LRP1B: variants seen among roughly 807,000 people sequenced by gnomAD.
LRP1B encodes low-density lipoprotein receptor-related protein 1B.
In LRP1B, 217 loss-of-function variants were observed where a neutral mutation model predicts 556.6. That is an observed-to-expected ratio of 0.39 (90% confidence interval 0.35 to 0.44). The LOEUF (loss-of-function observed/expected upper bound fraction) is 0.44. Ranked by LOEUF, LRP1B falls within the 20% of genes least tolerant of loss-of-function variation. LRP1B has a pLI of 1.00. For missense variants in LRP1B, 5,053 were observed against 5,620.8 expected (o/e 0.90, Z 3.23); for synonymous variants, 2,047 against 1,865.8 (o/e 1.10, Z -2.50).
intron 43 of LRP1B, among the ~76,000 whole-genome samples, chr2:140,577,803 C>T (rs1681592489): frequency 6.6e-6 from 1 of 152,050 alleles, no homozygotes. Flanking sequence ...TGATCAAAAT[C>T]AGTTTTTTGC....
intron 1 of LRP1B, among the ~76,000 whole-genome samples, chr2:142,039,114 C>T (rs915139875): frequency 7.9e-5 from 12 of 151,514 alleles, no homozygotes; most frequent in African/African-American, 2.7e-4. Context: ...CCTTTCTTGG[C>T]ACTATCCCCA....
intron 49 of LRP1B, among the ~76,000 whole-genome samples, chr2:140,525,524 T>A (rs530672233): frequency 6.6e-6 from 1 of 152,088 alleles, no homozygotes; most frequent in African/African-American, 2.4e-5. Context: ...ATGAAGTTAT[T>A]TCTAGGTATG....
At chr2:141,390,364 T>C (rs1180778201) in intron 3 of LRP1B, among the ~76,000 whole-genome samples, 1 of 152,184 alleles carries the variant, frequency 6.6e-6, no homozygotes, top group Non-Finnish European at 1.5e-5. Flanking sequence ...CTAAAATGTT[T>C]CACCTGGAGT....
chr2:142,113,209 C>T (rs1707064849), intron 1 of LRP1B, among the ~76,000 whole-genome samples: 1 of 151,994 alleles, frequency 6.6e-6, no homozygotes, highest in Admixed American at 6.6e-5. Context: ...TCCCAGTGTA[C>T]AGCTTTTCTC....
At chr2:140,664,440 C>A in intron 41 of LRP1B, among the ~76,000 whole-genome samples, 1 of 151,728 alleles carries the variant, frequency 6.6e-6, no homozygotes, top group African/African-American at 2.4e-5. Flanking sequence ...ACTATTCTTT[C>A]CAAATACACC....
intron 86 of LRP1B, among the ~76,000 whole-genome samples, chr2:140,257,934 C>T (rs1219183454): frequency 6.6e-6 from 1 of 152,246 alleles, no homozygotes; most frequent in Middle Eastern, 3.4e-3. Flanking sequence ...TGCTGCTCAG[C>T]CTGACAGCAG....
At chr2:141,247,438 C>G (rs1400211487) in intron 4 of LRP1B, 84 bp from the exon 5 acceptor site, 2 of 1,520,550 alleles carry the variant, frequency 1.3e-6, no homozygotes, top group African/African-American at 1.4e-5. Context: ...TATTTTTGAA[C>G]TTCGGAAATA....
intron 1 of LRP1B, among the ~76,000 whole-genome samples, chr2:141,986,899 G>C (rs1022535013): frequency 4.6e-5 from 7 of 151,918 alleles, no homozygotes; most frequent in African/African-American, 1.4e-4. Flanking sequence ...ATAAAATAAA[G>C]TTGCCGTTAC....
chr2:141,672,854 G>A (rs1690725591), intron 2 of LRP1B, among the ~76,000 whole-genome samples: 1 of 152,174 alleles, frequency 6.6e-6, no homozygotes, highest in Non-Finnish European at 1.5e-5. Flanking sequence ...AGACATGACA[G>A]TGGAATAATT....
At chr2:141,859,258 G>A in intron 1 of LRP1B, among the ~76,000 whole-genome samples, 1 of 152,166 alleles carries the variant, frequency 6.6e-6, no homozygotes, top group African/African-American at 2.4e-5. Context: ...TCTGTAAAAT[G>A]CTACACACTA....
chr2:141,472,893 T>C (rs1037186979), intron 3 of LRP1B, among the ~76,000 whole-genome samples: 1 of 152,180 alleles, frequency 6.6e-6, no homozygotes, highest in African/African-American at 2.4e-5. Flanking sequence ...ATGTTTTTAA[T>C]ATAATATTAA....
intron 3 of LRP1B, among the ~76,000 whole-genome samples, chr2:141,427,223 T>C (rs1680401727): frequency 6.6e-6 from 1 of 152,234 alleles, no homozygotes; most frequent in Admixed American, 6.5e-5. Flanking sequence ...ACTTTGGGAA[T>C]GTGAATATCA....
intron 28 of LRP1B, among the ~76,000 whole-genome samples, chr2:140,850,711 CT>C (rs1173138292): frequency 6.6e-6 from 1 of 152,090 alleles, no homozygotes; most frequent in South Asian, 2.1e-4. Context: ...AATCTAACAA[CT>C]TTTTTCTATA....
At chr2:141,885,872 G>C (rs1210685623) in intron 1 of LRP1B, among the ~76,000 whole-genome samples, 1 of 152,182 alleles carries the variant, frequency 6.6e-6, no homozygotes, top group African/African-American at 2.4e-5. Context: ...ATGTTCCATG[G>C]TGTCATAGTA....
intron 1 of LRP1B, among the ~76,000 whole-genome samples, chr2:142,092,408 A>G (rs1706206395): frequency 6.6e-6 from 1 of 152,144 alleles, no homozygotes; most frequent in Non-Finnish European, 1.5e-5. Context: ...TGACTACTTC[A>G]TGATAATTCC....
At chr2:140,548,139 T>G (rs1416068948) in intron 43 of LRP1B, among the ~76,000 whole-genome samples, 1 of 152,124 alleles carries the variant, frequency 6.6e-6, no homozygotes, top group African/African-American at 2.4e-5. Context: ...TTAAGATCAT[T>G]TAGGTAGGCA....
chr2:142,114,065 A>G (rs1707100632), intron 1 of LRP1B, among the ~76,000 whole-genome samples: 1 of 151,990 alleles, frequency 6.6e-6, no homozygotes, highest in South Asian at 2.1e-4. Flanking sequence ...TTATCTATGC[A>G]CTCCCTTCTG....
At chr2:141,832,343 A>T (rs1460556281) in intron 1 of LRP1B, among the ~76,000 whole-genome samples, 2 of 150,534 alleles carry the variant, frequency 1.3e-5, no homozygotes, top group East Asian at 1.9e-4. Context: ...ACACACACAC[A>T]CACACACACA....
chr2:140,785,806 C>T (rs1689877185), intron 32 of LRP1B, among the ~76,000 whole-genome samples: 1 of 152,100 alleles, frequency 6.6e-6, no homozygotes, highest in South Asian at 2.1e-4. Context: ...ATGAGTCTTT[C>T]CCAGCAGACT....
Sources: gnomAD v4.1 joint callset for allele counts (sites outside exome capture counted in the v4.1 genomes callset) on GRCh38, gnomAD v4.1.1 for gene constraint, MANE v1.5 for transcripts, NCBI Gene and HGNC (gene_info 2026-07-23, HGNC 2026-07-21) for gene names.